Variants in ZNF462 observed in about 807,000 individuals in gnomAD.
The protein encoded by ZNF462 is zinc finger PBX1-interacting protein.
ZNF462 carries 10 observed loss-of-function variants against 201.9 expected under a neutral mutation model. The observed-to-expected ratio is 0.05, with a 90% confidence interval of 0.03 to 0.08. The LOEUF (loss-of-function observed/expected upper bound fraction) is 0.08, where lower values mean the gene tolerates loss of function less well. Among genes scored for constraint, ZNF462 ranks in the 10% least tolerant of loss-of-function variants. The pLI is 1.00. For synonymous variants in ZNF462, 1,227 were observed against 1,193.3 expected (o/e 1.03, Z -0.58); for missense variants, 2,523 against 3,168.3 (o/e 0.80, Z 4.89).
At position 106,923,480 on chromosome 9, in the gene ZNF462, C is replaced by A; in HGVS notation, c.97C>A (p.Pro33Thr). 1 of 1,614,178 alleles carries A rather than the reference C, an allele frequency of 6.2e-7. No individual in the cohort carries two copies. The highest frequency in any genetic ancestry group is 8.5e-7 in the Non-Finnish European group (1 of 1,180,044). Residue 33 changes from proline (P) to threonine (T), a missense_variant, in exon 2 of 13, where the codon CCA (proline) becomes ACA (threonine). Around this residue, in one of 15 missense-constraint regions of ZNF462, gnomAD observed 480 missense variants for 544.4 expected, o/e 0.88. Coordinates refer to ENST00000277225, the MANE Select transcript of ZNF462 (RefSeq NM_021224.6). This position sits in a 1 kb window ranked among gnomAD's most constrained non-coding sequence, Gnocchi z 5.6. ...GGATGTCCACACGGCATTTCTGCAG[C>A]CAACTGATGTTGCTGAGGACAATGT... ...IQDVHTAFLQ[P>T]TDVAEDNVNE...
In ZNF462 at chr9:106,905,469, G is replaced by A. The variant is rs953178524; in HGVS notation, c.-30-17885G>A. Among the ~76,000 whole-genome samples, 8 of 152,126 alleles carry A rather than the reference G, an allele frequency of 5.3e-5. No individual in the cohort carries two copies. The highest frequency in any genetic ancestry group is 9.7e-5 in the African/African-American group (4 of 41,424). On this transcript the variant is annotated intron_variant, in intron 1 of 12. Transcript: ENST00000277225. This position sits in a 1 kb window ranked among gnomAD's most constrained non-coding sequence, Gnocchi z 5.9. ...GTGTGGAGAGAGACCAGAGGTGGGC[G>A]GGGCCCTAGAATCCCCAAGATTATA... is the stretch of plus-strand genomic sequence containing the variant.
At chr9:106,869,949 A>G (rs1365471919) in intron 1 of ZNF462, among the ~76,000 whole-genome samples, 2 of 152,158 alleles carry the variant, frequency 1.3e-5, no homozygotes, top group Non-Finnish European at 2.9e-5. Context: ...CATTTGGAGA[A>G]CTGCACACAC....
intron 1 of ZNF462, 67 bp downstream of exon 1, chr9:106,863,422 G>A (rs2130734977): frequency 7.7e-6 from 3 of 388,926 alleles, no homozygotes; most frequent in East Asian, 3.7e-5. Flanking sequence ...AGCGCGGGGT[G>A]GTGGAGGCAC....
At position 107,009,700 on chromosome 9, in the gene ZNF462, C is replaced by A. The variant is rs752389824; in HGVS notation, c.7313+32C>A. ...TGGGCCACTTCAAGGATGCCTTTGT[C>A]CAAAGCAAGAGGTAGGGAGGGAGGG... On this transcript the variant is annotated intron_variant, in intron 12 of 12. Transcript: ENST00000277225. The surrounding 1 kb of genome is among the most constrained non-coding windows in gnomAD (Gnocchi z 6.1). 2 of 1,608,962 alleles carry A rather than the reference C, an allele frequency of 1.2e-6. No homozygotes were observed. The highest frequency in any genetic ancestry group is 2.2e-5 in the South Asian group (2 of 90,870).
intron 1 of ZNF462, among the ~76,000 whole-genome samples, chr9:106,916,390 C>G (rs1829775580): frequency 6.6e-6 from 1 of 152,214 alleles, no homozygotes; most frequent in Non-Finnish European, 1.5e-5. Context: ...TACTCTGCGT[C>G]TTAATCAGTT....
chr9:106,929,322 G>C lies in ZNF462; in HGVS notation c.5410G>C (p.Gly1804Arg). Reference protein sequence around the residue: ...FPKKQHASKLGGYFTAVYADE... With the variant: ...FPKKQHASKLRGYFTAVYADE... ...AAAGAAGCAGCACGCCAGCAAGTTG[G>C]GGGGCTACTTCACGGCCGTCTATGC... Residue 1804 changes from glycine (G) to arginine (R), a missense_variant, in exon 3 of 13, where the codon GGG (glycine) becomes CGG (arginine). Gly to Arg is a moderately radical substitution (Grantham distance 125). Coordinates refer to ENST00000277225, the MANE Select transcript of ZNF462 (RefSeq NM_021224.6). This position sits in a 1 kb window ranked among gnomAD's most constrained non-coding sequence, Gnocchi z 8.7. The C allele has an allele frequency of 1.2e-6, 2 of 1,614,138 alleles. No individual in the cohort carries two copies. Among genetic ancestry groups the C allele is most frequent in the Non-Finnish European group, 8.5e-7 (1 of 1,180,036 alleles).
At position 107,006,929 on chromosome 9, in the gene ZNF462, G is replaced by A. The variant is rs764530460; in HGVS notation, c.7190-2616G>A. Among the ~76,000 whole-genome samples, 4 of 152,106 alleles carry A rather than the reference G, an allele frequency of 2.6e-5. No individual in the cohort carries two copies. The highest frequency in any genetic ancestry group is 6.5e-5 in the Admixed American group (1 of 15,274). ...TTAATCCATTTCTTACAAGGAAAAC[G>A]GTTGTGATCGGAGAAGCATGGCTTC... On this transcript the variant is annotated intron_variant, in intron 11 of 12. Coordinates refer to ENST00000277225, the MANE Select transcript of ZNF462 (RefSeq NM_021224.6). The surrounding 1 kb of genome is among the most constrained non-coding windows in gnomAD (Gnocchi z 4.3).
At position 107,003,338 on chromosome 9, in the gene ZNF462, G is replaced by C; in HGVS notation, c.7101G>C (p.Gln2367His). ...TGGTTGGACGGGTTAACTTGGATCA[G>C]CTGGAACAGATGAAGGAGAAAATGG... ...FELVGRVNLD[Q>H]LEQMKEKMES... is the part of the protein sequence containing the mutation. Residue 2367 changes from glutamine (Q) to histidine (H), a missense_variant, in exon 11 of 13, where the codon CAG (glutamine) becomes CAC (histidine). Physicochemically the swap from Gln to His is conservative, Grantham distance 24. Around this residue, in one of 15 missense-constraint regions of ZNF462, gnomAD observed 228 missense variants for 361.2 expected, o/e 0.63. Coordinates refer to ENST00000277225, the MANE Select transcript of ZNF462 (RefSeq NM_021224.6). The surrounding 1 kb of genome is among the most constrained non-coding windows in gnomAD (Gnocchi z 4.4). 1.2e-6 allele frequency: 2 copies of C among 1,613,920 alleles called. No homozygotes were observed. The highest frequency in any genetic ancestry group is 1.7e-6 in the Non-Finnish European group (2 of 1,179,862).
Position 106,927,542 on chromosome 9 carries a change from T to A in ZNF462, c.3630T>A (p.Ile1210=), listed in dbSNP as rs200155825. 2.7e-4 allele frequency: 437 copies of A among 1,613,900 alleles called. 3 individuals carry two copies. The East Asian group carries it at 8.5e-3, about 32-fold the overall frequency. The change falls in exon 3 of 13, where the codon ATT becomes ATA. Residue 1210 remains isoleucine (I), a synonymous_variant. Transcript: ENST00000277225. ...ACCGGACGGTCAAAGGGGTACTCAT[T>A]CATTATCAGAAGAAGCACCGAGACT... is the stretch of plus-strand genomic sequence containing the variant. ...YGNRTVKGVL[I]HYQKKHRDFK...
chr9:106,983,184 C>T (rs1827576019), intron 9 of ZNF462, among the ~76,000 whole-genome samples: 1 of 152,182 alleles, frequency 6.6e-6, no homozygotes, highest in African/African-American at 2.4e-5. Context: ...TTAATTTGAG[C>T]AGTTAAACAC....
At chr9:106,908,587 A>G (rs986352316) in intron 1 of ZNF462, among the ~76,000 whole-genome samples, 7 of 151,914 alleles carry the variant, frequency 4.6e-5, no homozygotes, top group African/African-American at 1.2e-4. Context: ...TTGTTTTTCA[A>G]TTTACTCTGG....
rs537240272 is a variant in ZNF462 at position 107,010,518 on chromosome 9, A to G, written c.7314-305A>G. Among the ~76,000 whole-genome samples, 12 of 152,294 alleles carry G rather than the reference A, an allele frequency of 7.9e-5. No homozygotes were observed. Among genetic ancestry groups the G allele is most frequent in the Middle Eastern group, 3.4e-3 (1 of 294 alleles). ...GTTACCACTTATGACCCAGTAGAGAAAGTGACATAAAATGATTATGCTTAT... is the reference window on the plus strand; with the variant it reads ...GTTACCACTTATGACCCAGTAGAGAGAGTGACATAAAATGATTATGCTTAT... On this transcript the variant is annotated intron_variant, in intron 12 of 12. Transcript: ENST00000277225. The surrounding 1 kb of genome is among the most constrained non-coding windows in gnomAD (Gnocchi z 4.6).
intron 1 of ZNF462, among the ~76,000 whole-genome samples, chr9:106,900,457 C>T (rs1829017733): frequency 6.6e-6 from 1 of 152,262 alleles, no homozygotes; most frequent in Middle Eastern, 3.4e-3. Context: ...AGGATCTCCA[C>T]ACTGTTACAC....
At chr9:106,879,470 A>G (rs1280792424) in intron 1 of ZNF462, among the ~76,000 whole-genome samples, 2 of 152,046 alleles carry the variant, frequency 1.3e-5, no homozygotes, top group Non-Finnish European at 2.9e-5. Flanking sequence ...GTCAGCATAA[A>G]CAGAGTAAAC....
chr9:106,909,038 C>T (rs1375596119), intron 1 of ZNF462, among the ~76,000 whole-genome samples: 1 of 138,030 alleles, frequency 7.2e-6, no homozygotes, highest in Non-Finnish European at 1.5e-5. Context: ...TCTCGGCTCA[C>T]TGCAACCTCT....
chr9:106,869,532 G>A (rs138137872), intron 1 of ZNF462, among the ~76,000 whole-genome samples: 75 of 152,324 alleles, frequency 4.9e-4, no homozygotes, highest in African/African-American at 1.7e-3. Flanking sequence ...CATTTTCTAA[G>A]CTCCTTCCAA....
At chr9:106,869,358 A>G (rs903701188) in intron 1 of ZNF462, among the ~76,000 whole-genome samples, 3 of 152,188 alleles carry the variant, frequency 2.0e-5, no homozygotes, top group African/African-American at 7.2e-5. Flanking sequence ...TTTTCCCAGT[A>G]TACATGAAAT....
In ZNF462 at chr9:106,927,727, A is replaced by T; in HGVS notation, c.3815A>T (p.Tyr1272Phe). The change falls in exon 3 of 13, where the codon TAT becomes TTT. Residue 1272 changes from tyrosine (Y) to phenylalanine (F), a missense_variant. Transcript: ENST00000277225. Reference protein sequence around the residue: ...LRALKCRQCSYTSPYFYALRK... With the variant: ...LRALKCRQCSFTSPYFYALRK... Reference sequence around the variant, plus strand: ...GCACTCAAATGTAGGCAGTGCTCATATACCTCCCCCTACTTCTATGCACTG... The same window carrying T: ...GCACTCAAATGTAGGCAGTGCTCATTTACCTCCCCCTACTTCTATGCACTG... 2 of 1,614,092 alleles carry T rather than the reference A, an allele frequency of 1.2e-6. No individual in the cohort carries two copies. The highest frequency in any genetic ancestry group is 2.2e-5 in the East Asian group (1 of 44,860).
chr9:106,982,610 G>C (rs1285152903), intron 9 of ZNF462, among the ~76,000 whole-genome samples: 1 of 151,942 alleles, frequency 6.6e-6, no homozygotes, highest in East Asian at 1.9e-4. Flanking sequence ...GCTATACTTG[G>C]GTTTAAAAAT....
Sources: allele counts gnomAD v4.1 joint callset (sites outside exome capture counted in the v4.1 genomes callset), GRCh38; gene constraint gnomAD v4.1.1; regional missense constraint gnomAD v4.1.1; non-coding constraint Gnocchi (gnomAD v3.1); transcripts MANE v1.5; gene names NCBI Gene and HGNC (gene_info 2026-07-23, HGNC 2026-07-21).